Variants in RGS7 observed in about 807,000 individuals in gnomAD.
RGS7 encodes regulator of G protein signaling 7.
Under a neutral mutation model 81.1 loss-of-function variants are expected in RGS7, and 27 were observed. The ratio of observed to expected loss-of-function variants is 0.33; its 90% CI spans 0.25 to 0.46. The LOEUF (loss-of-function observed/expected upper bound fraction) is 0.46, where lower values mean the gene tolerates loss of function less well. Ranked by LOEUF, RGS7 falls within the 20% of genes least tolerant of loss-of-function variation. The probability of loss-of-function intolerance (pLI) is 1.00; values close to 1 mark genes in which losing one functional copy is unlikely to be tolerated. For synonymous variants in RGS7, 208 were observed against 207.7 expected, an observed-to-expected ratio of 1.00 and a Z score of -0.01; for missense variants, 396 against 607.4, an observed-to-expected ratio of 0.65 and a Z score of 3.66.
chr1:241,351,552 T>A (rs1203732036), intron 2 of RGS7, among the ~76,000 whole-genome samples: 1 of 152,182 alleles, frequency 6.6e-6, no homozygotes, highest in East Asian at 1.9e-4. Flanking sequence ...AAGGCTGGCA[T>A]CTATTCTCTT....
intron 14 of RGS7, 41 bp from the exon 15 acceptor site, chr1:240,806,367 A>G (rs374961280): frequency 5.8e-5 from 92 of 1,586,996 alleles, no homozygotes; most frequent in Non-Finnish European, 7.5e-5. Context: ...CTGATGGCCC[A>G]TCATCTGAAA....
At chr1:240,960,765 A>G (rs1681301260) in intron 4 of RGS7, among the ~76,000 whole-genome samples, 1 of 152,120 alleles carries the variant, frequency 6.6e-6, no homozygotes, top group African/African-American at 2.4e-5. Flanking sequence ...TTTTAAAAGA[A>G]AGTAACTATA....
chr1:241,161,744 G>A (rs2069698992), intron 2 of RGS7, among the ~76,000 whole-genome samples: 1 of 141,748 alleles, frequency 7.1e-6, no homozygotes, highest in Non-Finnish European at 1.5e-5. Flanking sequence ...TTGAGACAGA[G>A]TCTCACTCTG....
intron 3 of RGS7, among the ~76,000 whole-genome samples, chr1:241,071,461 C>T (rs569519953): frequency 4.0e-5 from 6 of 148,662 alleles, no homozygotes; most frequent in African/African-American, 1.5e-4. Flanking sequence ...AATATAATTA[C>T]AAATAAGTAA....
intron 6 of RGS7, among the ~76,000 whole-genome samples, chr1:240,904,113 A>C (rs1180883151): frequency 3.3e-5 from 5 of 152,232 alleles, no homozygotes; most frequent in Admixed American, 2.6e-4. Context: ...CAGGTAAGTA[A>C]ATTTTAAGTT....
Position 241,232,949 on chromosome 1 carries a change from T to C in RGS7, c.78+122750A>G, listed in dbSNP as rs1248872507. ...TCCATTGCTAGCATACAGGATTAAA[T>C]TATTGTAGTTTTGTAGGTCATTGGC... On this transcript the variant is annotated intron_variant, in intron 2 of 18. Coordinates refer to ENST00000440928, the MANE Select transcript of RGS7 (RefSeq NM_001364886.1). 2.0e-5 allele frequency among the ~76,000 whole-genome samples: 3 copies of C among 152,194 alleles called. No homozygotes were observed. The East Asian group carries it at 5.8e-4, about 29-fold the overall frequency.
intron 3 of RGS7, among the ~76,000 whole-genome samples, chr1:241,072,484 G>A (rs1249050636): frequency 1.3e-5 from 2 of 152,168 alleles, no homozygotes; most frequent in Admixed American, 6.5e-5. Context: ...TGGTACCAGT[G>A]AGGCATGGAA....
rs938315495 is a variant in RGS7 at position 241,154,933 on chromosome 1, T to A, written c.79-56171A>T. 5.7e-4 allele frequency among the ~76,000 whole-genome samples: 87 copies of A among 152,142 alleles called. 2 individuals are homozygous for A. The highest frequency in any genetic ancestry group is 3.4e-4 in the Non-Finnish European group (23 of 67,982). On this transcript the variant is annotated intron_variant, in intron 2 of 18. Coordinates refer to ENST00000440928, the MANE Select transcript of RGS7 (RefSeq NM_001364886.1). ...AAATACTGTTCCAAGAGCCATTTTT[T>A]AAAAAAAGAATGTCACGCAGACTGA...
intron 4 of RGS7, among the ~76,000 whole-genome samples, chr1:240,967,994 C>A (rs1213443829): frequency 1.3e-5 from 2 of 152,138 alleles, no homozygotes; most frequent in Non-Finnish European, 2.9e-5. Flanking sequence ...ATCTACCAAC[C>A]AATATCCATA....
At chr1:241,353,554 G>A (rs574340594) in intron 2 of RGS7, among the ~76,000 whole-genome samples, 1 of 152,218 alleles carries the variant, frequency 6.6e-6, no homozygotes, top group African/African-American at 2.4e-5. Context: ...CAATCCATAG[G>A]TAAGCATTAA....
chr1:241,132,896 G>T (rs1274651736), intron 2 of RGS7, among the ~76,000 whole-genome samples: 7 of 152,052 alleles, frequency 4.6e-5, no homozygotes, highest in African/African-American at 1.2e-4. Context: ...CCAAGTAGCT[G>T]GGATTACAGG....
chr1:241,069,782 A>G (rs550634855), intron 3 of RGS7, among the ~76,000 whole-genome samples: 6 of 152,338 alleles, frequency 3.9e-5, no homozygotes, highest in Admixed American at 3.9e-4. Flanking sequence ...GTTGATTGGA[A>G]CAGGATAATA....
chr1:240,916,564 C>A (rs1672656635), intron 6 of RGS7, among the ~76,000 whole-genome samples: 1 of 152,044 alleles, frequency 6.6e-6, no homozygotes, highest in Admixed American at 6.6e-5. Flanking sequence ...GAGATAAAGC[C>A]ATTAAAGAGG....
intron 6 of RGS7, among the ~76,000 whole-genome samples, chr1:240,914,953 C>T (rs573716035): frequency 1.1e-4 from 16 of 152,226 alleles, no homozygotes; most frequent in Middle Eastern, 3.4e-3. Flanking sequence ...ATTAGTTGTT[C>T]GAGGCTCAAT....
chr1:240,999,807 C>T (rs1400090278), intron 3 of RGS7, among the ~76,000 whole-genome samples: 2 of 151,684 alleles, frequency 1.3e-5, no homozygotes, highest in African/African-American at 2.4e-5. Flanking sequence ...TTCGCCATGT[C>T]GGCCAGGCTG....
chr1:241,294,107 G>A (rs1246112958), intron 2 of RGS7, among the ~76,000 whole-genome samples: 1 of 152,152 alleles, frequency 6.6e-6, no homozygotes, highest in African/African-American at 2.4e-5. Flanking sequence ...ATACTATGCA[G>A]ACATAAAAAA....
At chr1:241,217,151 T>C (rs1034161638) in intron 2 of RGS7, among the ~76,000 whole-genome samples, 20 of 152,102 alleles carry the variant, frequency 1.3e-4, no homozygotes, top group Non-Finnish European at 2.9e-5. Flanking sequence ...TCCAATAGGA[T>C]TGGTGTCCTT....
chr1:240,784,451 T>C (rs1170480057), intron 18 of RGS7, among the ~76,000 whole-genome samples: 3 of 151,304 alleles, frequency 2.0e-5, no homozygotes, highest in Non-Finnish European at 3.0e-5. Context: ...CCATCCTGGC[T>C]AACACAGTGA....
chr1:241,069,472 A>C (rs2062298796), intron 3 of RGS7, among the ~76,000 whole-genome samples: 1 of 152,250 alleles, frequency 6.6e-6, no homozygotes, highest in Admixed American at 6.5e-5. Flanking sequence ...ACATCTTGGT[A>C]AATCTTCCCT....
Sources: gnomAD v4.1 joint callset for allele counts (sites outside exome capture counted in the v4.1 genomes callset) on GRCh38, gnomAD v4.1.1 for gene constraint, MANE v1.5 for transcripts, NCBI Gene and HGNC (gene_info 2026-07-23, HGNC 2026-07-21) for gene names.